The following GATA3 variants were observed in gnomAD, a reference collection of about 807,000 sequenced individuals.
GATA3 encodes trans-acting T-cell-specific transcription factor GATA-3.
GATA3 carries 6 observed loss-of-function variants against 36.0 expected under a neutral mutation model. That is an observed-to-expected ratio of 0.17 (90% CI 0.09 to 0.33). The LOEUF (loss-of-function observed/expected upper bound fraction) is 0.33, where lower values mean the gene tolerates loss of function less well. GATA3 is among the 10% of genes least tolerant of loss of function. The pLI, the probability that GATA3 is intolerant of heterozygous loss-of-function variation, is 1.00. For missense variants in GATA3, 514 were observed against 610.1 expected, an observed-to-expected ratio of 0.84 and a Z score of 1.66; for synonymous variants, 326 against 273.0, an observed-to-expected ratio of 1.19 and a Z score of -1.92.
At chr10:8,071,033 C>T (rs1289309900) in intron 5 of GATA3, among the ~76,000 whole-genome samples, 4 of 152,226 alleles carry the variant, frequency 2.6e-5, no homozygotes, top group Admixed American at 6.5e-5. Context: ...GGTTTATTAG[C>T]TATCCAGTCA....
At chr10:8,071,436 TG>T (rs1228129474) in intron 5 of GATA3, among the ~76,000 whole-genome samples, 8 of 152,228 alleles carry the variant, frequency 5.3e-5, no homozygotes, top group Non-Finnish European at 7.3e-5. Context: ...ACTAGCTATA[TG>T]TTTTTTTGAA....
At chr10:8,069,831 A>G (rs566275546) in intron 5 of GATA3, among the ~76,000 whole-genome samples, 40 of 151,566 alleles carry the variant, frequency 2.6e-4, no homozygotes, top group Non-Finnish European at 4.6e-4. Context: ...TGCATTGGAC[A>G]CTCCACATAC....
intron 3 of GATA3, among the ~76,000 whole-genome samples, chr10:8,059,358 G>T (rs190616854): frequency 6.6e-6 from 1 of 152,308 alleles, no homozygotes; most frequent in Non-Finnish European, 1.5e-5. Flanking sequence ...TAGACACAAA[G>T]TGTGTGTGCA....
At chr10:8,046,253 A>C (rs1832385439) in intron 1 of GATA3, among the ~76,000 whole-genome samples, 1 of 152,252 alleles carries the variant, frequency 6.6e-6, no homozygotes, top group African/African-American at 2.4e-5. Context: ...TATTGTTAAA[A>C]TGTCAAGGAA....
upstream of GATA3, chr10:8,052,229 C>G (rs1832514631): frequency 6.6e-6 from 1 of 152,100 alleles, no homozygotes; most frequent in Non-Finnish European, 1.5e-5. Context: ...CCTCAAACCA[C>G]CCAGACCAAG....
chr10:8,072,451 C>T (rs11255508), intron 5 of GATA3, among the ~76,000 whole-genome samples: 2,795 of 152,268 alleles, frequency 0.018, 89 homozygotes, highest in African/African-American at 0.064. Flanking sequence ...TTTGCTCTTC[C>T]GGGCAGATGT....
At chr10:8,048,305 G>T (rs2131464998) in intron 1 of GATA3, among the ~76,000 whole-genome samples, 1 of 152,322 alleles carries the variant, frequency 6.6e-6, no homozygotes, top group South Asian at 2.1e-4. Context: ...CGACTGGCCA[G>T]ACTGAACACC....
intron 2 of GATA3, among the ~76,000 whole-genome samples, chr10:8,056,146 T>A (rs1174110521): frequency 1.3e-5 from 2 of 152,064 alleles, no homozygotes; most frequent in African/African-American, 4.8e-5. Flanking sequence ...GGCGCTCACC[T>A]GGCGGGCGCC....
chr10:8,069,744 G>A, intron 5 of GATA3, 146 bp downstream of exon 5: 1 of 1,043,590 alleles, frequency 9.6e-7, no homozygotes, highest in Non-Finnish European at 1.4e-6. Context: ...ACCTAGCTTG[G>A]AAAACTACTT....
intron 4 of GATA3, 74 bp downstream of exon 4, chr10:8,064,212 G>A (rs546332391): frequency 3.8e-6 from 6 of 1,583,622 alleles, no homozygotes; most frequent in South Asian, 3.3e-5. Context: ...CGGAAGGACA[G>A]CTTTCTGCAG....
chr10:8,067,676 G>C (rs1832866147), intron 4 of GATA3, among the ~76,000 whole-genome samples: 1 of 146,846 alleles, frequency 6.8e-6, no homozygotes, highest in East Asian at 2.0e-4. Flanking sequence ...AAAATTAGCT[G>C]GGGCGGTGGC....
At chr10:8,063,058 C>T (rs993250803) in intron 3 of GATA3, among the ~76,000 whole-genome samples, 56 of 152,310 alleles carry the variant, frequency 3.7e-4, no homozygotes, top group Middle Eastern at 3.4e-3. Context: ...GACTTCCTAC[C>T]GGCCTGGCTG....
At chr10:8,066,002 A>G in intron 4 of GATA3, among the ~76,000 whole-genome samples, 1 of 151,104 alleles carries the variant, frequency 6.6e-6, no homozygotes, top group African/African-American at 2.4e-5. Flanking sequence ...GAGAGAGGAA[A>G]AAAAAACAAC....
chr10:8,057,717 C>G (rs1163226141), intron 2 of GATA3, among the ~76,000 whole-genome samples: 1 of 152,112 alleles, frequency 6.6e-6, no homozygotes, highest in East Asian at 1.9e-4. Flanking sequence ...GGAAACTAAC[C>G]CTGAAAGTCT....
chr10:8,064,231 C>A, intron 4 of GATA3, 93 bp downstream of exon 4: 3 of 1,477,158 alleles, frequency 2.0e-6, no homozygotes, highest in Non-Finnish European at 2.8e-6. Context: ...AGGAAATTGA[C>A]AGGATAGCCT....
Position 8,064,310 on chromosome 10 carries a change from TC to T in GATA3, c.924+173del, listed in dbSNP as rs1487354243. 0.1 allele frequency among the ~76,000 whole-genome samples: 4,204 copies of T among 41,866 alleles called. 225 individuals carry two copies. Among genetic ancestry groups the T allele is most frequent in the African/African-American group, 0.18 (3,716 of 21,092 alleles). The allele number at this position is 41,866 out of a possible 152,430, so 27.5% of individuals were successfully genotyped here. A position where few individuals can be genotyped will look rare whatever the true frequency, so the allele number is the denominator to read the frequency against. ...TTTTCTTTCTTTCTTTTCTTCTTCTTCTTTTTTTTTTTTTTTTTCAAATTTG... is the reference window on the plus strand; with the variant it reads ...TTTTCTTTCTTTCTTTTCTTCTTCTTTTTTTTTTTTTTTTTTTCAAATTTG... On this transcript the variant is annotated intron_variant, in intron 4 of 5. Transcript: ENST00000379328.
At chr10:8,072,562 A>G (rs529684964) in intron 5 of GATA3, among the ~76,000 whole-genome samples, 1 of 152,326 alleles carries the variant, frequency 6.6e-6, no homozygotes, top group East Asian at 1.9e-4. Flanking sequence ...AAGCAAATGT[A>G]TTTTTAAAGG....
At chr10:8,058,249 C>A in intron 2 of GATA3, 56 bp from the exon 3 acceptor site, 4 of 1,588,520 alleles carry the variant, frequency 2.5e-6, no homozygotes, top group Non-Finnish European at 3.5e-6. Flanking sequence ...CTGACGGCCT[C>A]CCAGGGCCAC....
upstream of GATA3, chr10:8,053,341 C>T (rs1412824658): frequency 1.3e-5 from 2 of 152,270 alleles, no homozygotes; most frequent in South Asian, 2.1e-4. The surrounding 1 kb of genome is among the most constrained non-coding windows in gnomAD (Gnocchi z 5.1). Flanking sequence ...AACCCACTCC[C>T]TCTCCTGGCA....
Sources: allele counts gnomAD v4.1 joint callset (sites outside exome capture counted in the v4.1 genomes callset), GRCh38; gene constraint gnomAD v4.1.1; non-coding constraint Gnocchi (gnomAD v3.1); transcripts MANE v1.5; gene names NCBI Gene and HGNC (gene_info 2026-07-23, HGNC 2026-07-21).